Variants in ABLIM2 observed in about 807,000 individuals in gnomAD.
The protein encoded by ABLIM2 is actin-binding LIM protein 2.
ABLIM2 carries 53 observed loss-of-function variants against 97.7 expected under a neutral mutation model. That is an observed-to-expected ratio of 0.54 (90% CI 0.44 to 0.68). ABLIM2 has a LOEUF of 0.68. Among genes scored for constraint, ABLIM2 ranks in the 30% least tolerant of loss-of-function variants. The pLI is 0.00. For missense variants in ABLIM2, 835 were observed against 867.2 expected (o/e 0.96, Z 0.47); for synonymous variants, 361 against 345.8 (o/e 1.04, Z -0.49).
At chr4:8,126,909 A>T (rs2152919990) in intron 1 of ABLIM2, among the ~76,000 whole-genome samples, 1 of 152,164 alleles carries the variant, frequency 6.6e-6, no homozygotes, top group East Asian at 1.9e-4. Context: ...CTACTAAAAA[A>T]ATTAAAAATT....
At position 8,145,771 on chromosome 4, in the gene ABLIM2, C is replaced by T. The variant is rs866467283; in HGVS notation, c.10+12909G>A. ...ACACACACACACACACACACACACA[C>T]ACACACACACACACACACGAGATCC... On this transcript the variant is annotated intron_variant, in intron 1 of 20. Coordinates refer to ENST00000447017, the MANE Select transcript of ABLIM2 (RefSeq NM_001130083.2). 1.9e-3 allele frequency among the ~76,000 whole-genome samples: 289 copies of T among 151,756 alleles called. 2 individuals carry two copies. Among genetic ancestry groups the T allele is most frequent in the African/African-American group, 6.3e-3 (258 of 41,274 alleles).
intron 16 of ABLIM2, chr4:8,007,350 T>C (rs1578478231): frequency 1.0e-6 from 1 of 985,312 alleles, no homozygotes; most frequent in Non-Finnish European, 1.2e-6. Flanking sequence ...CACACCCCCA[T>C]CCATCCTCTC....
At chr4:8,035,472 C>G (rs1002810192) in intron 10 of ABLIM2, among the ~76,000 whole-genome samples, 1 of 152,208 alleles carries the variant, frequency 6.6e-6, no homozygotes, top group Non-Finnish European at 1.5e-5. Flanking sequence ...CCTGGCGGCA[C>G]GCATGTCAAG....
In ABLIM2 at chr4:8,001,713, G is replaced by A. The variant is rs1444424109; in HGVS notation, c.1618+6346C>T. ...CCAGCCACTAGCTGGATGCCAAGGT[G>A]GCCACGCCTGAGCCCCCAGCTCTCC... On this transcript the variant is annotated intron_variant, in intron 16 of 20. Coordinates refer to ENST00000447017, the MANE Select transcript of ABLIM2 (RefSeq NM_001130083.2). The surrounding 1 kb of genome is among the most constrained non-coding windows in gnomAD (Gnocchi z 4.2). Among the ~76,000 whole-genome samples, 3 of 152,104 alleles carry A rather than the reference G, an allele frequency of 2.0e-5. No individual in the cohort carries two copies. The highest frequency in any genetic ancestry group is 4.4e-5 in the Non-Finnish European group (3 of 68,006).
In ABLIM2 at chr4:8,120,451, C is replaced by T. The variant is rs930257520; in HGVS notation, c.11-13814G>A. Among the ~76,000 whole-genome samples the T allele has an allele frequency of 3.3e-5, 5 of 152,144 alleles. No individual in the cohort carries two copies. The highest frequency in any genetic ancestry group is 7.3e-5 in the Non-Finnish European group (5 of 68,040). On this transcript the variant is annotated intron_variant, in intron 1 of 20. Coordinates refer to ENST00000447017, the MANE Select transcript of ABLIM2 (RefSeq NM_001130083.2). The surrounding 1 kb of genome is among the most constrained non-coding windows in gnomAD (Gnocchi z 5.6). The stretch of plus-strand genomic sequence containing the variant: ...ACAATCCCCCGTCTGTGTGTTTTGT[C>T]GTGGCAGCATGGGAAACCAGAGGGA...
Position 7,983,354 on chromosome 4 carries a change from G to A in ABLIM2, c.1744-10C>T, listed in dbSNP as rs6833003. 2.2e-3 allele frequency: 3,517 copies of A among 1,610,288 alleles called. 68 individuals carry two copies. The African/African-American group carries it at 0.042, about 19-fold the overall frequency. ...AGTCATACGGATAGATCTGTTGGGG[G>A]AGGAAACCACAGGGTCACCTCACGA... is the stretch of plus-strand genomic sequence containing the variant. On this transcript the variant is annotated splice_polypyrimidine_tract_variant and intron_variant, in intron 19 of 20. Transcript: ENST00000447017.
Position 8,054,064 on chromosome 4 carries a change from C to T in ABLIM2, c.822+124G>A. On this transcript the variant is annotated intron_variant, in intron 8 of 20. Transcript: ENST00000447017. The surrounding 1 kb of genome is among the most constrained non-coding windows in gnomAD (Gnocchi z 4.9). ...CCCCACCTCCTAAGCCTGGCTGCCC[C>T]CATCCTGCAGCCCGTGGGACTGGAC... The T allele has an allele frequency of 9.1e-7, 1 of 1,102,514 alleles. No individual in the cohort carries two copies. The highest frequency in any genetic ancestry group is 1.4e-6 in the Non-Finnish European group (1 of 732,484). 68.3% of individuals were successfully genotyped at this position (1,102,514 alleles called of 1,614,324 possible).
chr4:7,989,878 G>T (rs192869403), intron 17 of ABLIM2, among the ~76,000 whole-genome samples: 1 of 152,294 alleles, frequency 6.6e-6, no homozygotes, highest in African/African-American at 2.4e-5. Flanking sequence ...AGTCATTACT[G>T]CCTTACCCAC....
chr4:8,154,526 C>CA (rs1714598056), intron 1 of ABLIM2, among the ~76,000 whole-genome samples: 3 of 152,060 alleles, frequency 2.0e-5, no homozygotes, highest in Admixed American at 2.0e-4. Context: ...GTGATCCACC[C>CA]GCCTCGGCCT....
intron 1 of ABLIM2, among the ~76,000 whole-genome samples, chr4:8,119,324 CTTT>C (rs71175466): frequency 1.8e-5 from 2 of 108,110 alleles, no homozygotes; most frequent in African/African-American, 6.9e-5. Flanking sequence ...GGGCTTCCTT[CTTT>C]TTTTTTTTTT....
In ABLIM2 at chr4:8,155,647, C is replaced by T. The variant is rs1715065725; in HGVS notation, c.10+3033G>A. Among the ~76,000 whole-genome samples, 1 of 152,328 alleles carries T rather than the reference C, an allele frequency of 6.6e-6. No homozygotes were observed. The highest frequency in any genetic ancestry group is 3.4e-3 in the Middle Eastern group (1 of 294). ...TCCAGGATGTGACTATGCATGGAGA[C>T]AGGACCTTTAAGGAGACCACTAAGG... On this transcript the variant is annotated intron_variant, in intron 1 of 20. Transcript: ENST00000447017. This position sits in a 1 kb window ranked among gnomAD's most constrained non-coding sequence, Gnocchi z 4.2.
chr4:8,029,932 G>A lies in ABLIM2; in HGVS notation c.1048-156C>T, dbSNP rs557667758. Among the ~76,000 whole-genome samples the A allele has an allele frequency of 2.6e-5, 4 of 152,224 alleles. No individual in the cohort carries two copies. In the South Asian group the frequency reaches 8.3e-4, roughly 32 times the overall value. ...GGAATCTCCTGCACCTGTCAGGGCA[G>A]GTCTGAAGAGCCGAGTGGGGCTGGT... On this transcript the variant is annotated intron_variant, in intron 10 of 20. Coordinates refer to ENST00000447017, the MANE Select transcript of ABLIM2 (RefSeq NM_001130083.2).
intron 6 of ABLIM2, among the ~76,000 whole-genome samples, chr4:8,065,606 A>C (rs1048395971): frequency 6.6e-6 from 1 of 152,198 alleles, no homozygotes; most frequent in South Asian, 2.1e-4. Flanking sequence ...GCATTTAAAG[A>C]AAATGAAGAG....
intron 1 of ABLIM2, among the ~76,000 whole-genome samples, chr4:8,154,093 G>A (rs943788153): frequency 2.0e-5 from 3 of 151,008 alleles, no homozygotes; most frequent in African/African-American, 2.4e-5. Context: ...CTCCCGAGTA[G>A]CTGGGTCTAC....
Position 8,027,827 on chromosome 4 carries a change from C to T in ABLIM2, c.1199G>A (p.Cys400Tyr). 6.2e-7 allele frequency: 1 copy of T among 1,600,304 alleles called. No individual in the cohort carries two copies. Among genetic ancestry groups the T allele is most frequent in the Non-Finnish European group, 8.5e-7 (1 of 1,173,934 alleles). Reference sequence around the variant, plus strand: ...GCTTGGGTGTTGGGACAGGGAGAGGCAGCTACTGGTACCCACACTCACAGT... The same window carrying T: ...GCTTGGGTGTTGGGACAGGGAGAGGTAGCTACTGGTACCCACACTCACAGT... ...AGTVSVGTSS[C>Y]LSLSQHPSPT... is the part of the protein sequence containing the mutation. The change falls in exon 12 of 21, where the codon TGC (cysteine) becomes TAC (tyrosine). Residue 400 changes from cysteine to tyrosine, a missense_variant. Physicochemically the swap from Cys to Tyr is radical, Grantham distance 194. Coordinates refer to ENST00000447017, the MANE Select transcript of ABLIM2 (RefSeq NM_001130083.2).
chr4:8,061,283 T>G lies in ABLIM2; in HGVS notation c.676-229A>C, dbSNP rs923240704. Among the ~76,000 whole-genome samples the G allele has an allele frequency of 6.6e-6, 1 of 152,078 alleles. No individual in the cohort carries two copies. Among genetic ancestry groups the G allele is most frequent in the African/African-American group, 2.4e-5 (1 of 41,420 alleles). ...GAGGCAGGGGGAGACCTGGCTGCAC[T>G]TGCCCAGCCTGCAGGAGCCCAGCAT... On this transcript the variant is annotated intron_variant, in intron 6 of 20. Transcript: ENST00000447017. The surrounding 1 kb of genome is among the most constrained non-coding windows in gnomAD (Gnocchi z 4.5).
chr4:8,002,184 C>G lies in ABLIM2; in HGVS notation c.1618+5875G>C, dbSNP rs1022163272. Among the ~76,000 whole-genome samples, 1 of 152,140 alleles carries G rather than the reference C, an allele frequency of 6.6e-6. No homozygotes were observed. Among genetic ancestry groups the G allele is most frequent in the Non-Finnish European group, 1.5e-5 (1 of 68,028 alleles). ...CTCAGTCTCTGCCTCCAGCCTGGAC[C>G]TCTCCTCTGAGCTCCGTCTGCCCCC... On this transcript the variant is annotated intron_variant, in intron 16 of 20. Transcript: ENST00000447017. This position sits in a 1 kb window ranked among gnomAD's most constrained non-coding sequence, Gnocchi z 6.1.
chr4:8,137,924 T>A (rs553077026), intron 1 of ABLIM2, among the ~76,000 whole-genome samples: 2 of 152,218 alleles, frequency 1.3e-5, no homozygotes, highest in African/African-American at 4.8e-5. Context: ...CCAGGTGCCC[T>A]CCGGCAAATG....
At chr4:8,060,487 C>T (rs532050732) in intron 7 of ABLIM2, among the ~76,000 whole-genome samples, 30 of 152,268 alleles carry the variant, frequency 2.0e-4, no homozygotes, top group Non-Finnish European at 3.7e-4. Flanking sequence ...AAGAAAGCCT[C>T]GGCTGCTGCC....
Sources: gnomAD v4.1 joint callset for allele counts (sites outside exome capture counted in the v4.1 genomes callset) on GRCh38, gnomAD v4.1.1 for gene constraint, Gnocchi (gnomAD v3.1) non-coding constraint, MANE v1.5 for transcripts, NCBI Gene and HGNC (gene_info 2026-07-23, HGNC 2026-07-21) for gene names.